The following RAI14 variants were observed in gnomAD, a reference collection of about 807,000 sequenced individuals.
The protein encoded by RAI14 is retinoic acid induced 14, also known as ankycorbin.
In RAI14, 45 loss-of-function variants were observed where a neutral mutation model predicts 115.4. The ratio of observed to expected loss-of-function variants is 0.39; its 90% CI spans 0.31 to 0.50. The LOEUF is 0.50. Among genes scored for constraint, RAI14 ranks in the 20% least tolerant of loss-of-function variants. RAI14 has a pLI of 0.85. For missense variants in RAI14, 939 were observed against 1,131.2 expected, an observed-to-expected ratio of 0.83 and a Z score of 2.44; for synonymous variants, 371 against 415.4, an observed-to-expected ratio of 0.89 and a Z score of 1.30.
intron 16 of RAI14, among the ~76,000 whole-genome samples, chr5:34,826,980 A>C (rs1365845315): frequency 6.6e-6 from 1 of 152,202 alleles, no homozygotes; most frequent in African/African-American, 2.4e-5. Context: ...TTAAAACAAC[A>C]TGAGTGTATT....
chr5:34,780,610 A>G (rs915394244), intron 3 of RAI14, among the ~76,000 whole-genome samples: 40 of 152,352 alleles, frequency 2.6e-4, no homozygotes, highest in African/African-American at 9.4e-4. Flanking sequence ...CGGCCAACAG[A>G]CACATGAAAA....
intron 4 of RAI14, among the ~76,000 whole-genome samples, chr5:34,801,898 C>G (rs1754319462): frequency 6.6e-6 from 1 of 151,996 alleles, no homozygotes; most frequent in African/African-American, 2.4e-5. Flanking sequence ...TAGCAAGACC[C>G]CCAGCTCTAC....
chr5:34,759,359 G>T (rs1055185881), intron 3 of RAI14, among the ~76,000 whole-genome samples: 7 of 152,162 alleles, frequency 4.6e-5, no homozygotes, highest in African/African-American at 1.7e-4. Context: ...TCACAGACCG[G>T]ACTGGTACTG....
intron 1 of RAI14, chr5:34,658,983 C>G (rs899977614): frequency 1.3e-5 from 2 of 152,058 alleles, no homozygotes; most frequent in Non-Finnish European, 2.9e-5. Context: ...TACTCCTTTG[C>G]CTCCATCCTC....
At chr5:34,775,291 G>A (rs1201026698) in intron 3 of RAI14, among the ~76,000 whole-genome samples, 1 of 152,140 alleles carries the variant, frequency 6.6e-6, no homozygotes. Context: ...AAAAGCTTCT[G>A]CACAGCAAAA....
chr5:34,714,133 C>T (rs1579996222), intron 2 of RAI14, among the ~76,000 whole-genome samples: 1 of 152,188 alleles, frequency 6.6e-6, no homozygotes, highest in African/African-American at 2.4e-5. Context: ...GTAATAGGTA[C>T]AGTTCTACTG....
intron 2 of RAI14, among the ~76,000 whole-genome samples, chr5:34,752,561 G>A (rs1422645262): frequency 6.6e-6 from 1 of 152,000 alleles, no homozygotes; most frequent in African/African-American, 2.4e-5. Flanking sequence ...GGAAAGGGTG[G>A]AGAGGGCCCG....
chr5:34,804,736 G>A (rs1754662518), intron 5 of RAI14, among the ~76,000 whole-genome samples: 1 of 152,180 alleles, frequency 6.6e-6, no homozygotes, highest in African/African-American at 2.4e-5. Flanking sequence ...TGTCTGTGAT[G>A]TTGTATTATG....
intron 1 of RAI14, among the ~76,000 whole-genome samples, chr5:34,659,507 A>G (rs1240084804): frequency 6.6e-6 from 1 of 152,142 alleles, no homozygotes; most frequent in Admixed American, 6.5e-5. Flanking sequence ...GCCTCAAGTG[A>G]GCCTTCTACC....
intron 2 of RAI14, among the ~76,000 whole-genome samples, chr5:34,696,631 A>G (rs1161232218): frequency 6.6e-6 from 1 of 152,250 alleles, no homozygotes; most frequent in Admixed American, 6.5e-5. Flanking sequence ...AGCCACAGGC[A>G]GTTTCCACAG....
At position 34,665,174 on chromosome 5, in the gene RAI14, C is replaced by CATATAT. The variant is rs1426275543; in HGVS notation, c.-49+8700_-49+8701insTATATA. Reference sequence around the variant, plus strand: ...ATATGTGTGTGTATATATATATATACACACATATATATATGTATATATATA... The same window carrying CATATAT: ...ATATGTGTGTGTATATATATATATACATATATACACATATATATATGTATATATATA... On this transcript the variant is annotated intron_variant, in intron 1 of 17. Coordinates refer to ENST00000265109, the MANE Select transcript of RAI14 (RefSeq NM_015577.3). Among the ~76,000 whole-genome samples the CATATAT allele has an allele frequency of 4.6e-3, 14 of 3,064 alleles. 4 individuals are homozygous for CATATAT. Among genetic ancestry groups the CATATAT allele is most frequent in the African/African-American group, 8.7e-3 (10 of 1,146 alleles). The allele number at this position is 3,064 out of a possible 152,430, so 2.0% of individuals were successfully genotyped here.
At chr5:34,774,652 G>A (rs571937480) in intron 3 of RAI14, among the ~76,000 whole-genome samples, 7 of 151,914 alleles carry the variant, frequency 4.6e-5, no homozygotes, top group Non-Finnish European at 8.8e-5. Context: ...TAACAATATT[G>A]ATTCTTCCAA....
chr5:34,779,436 C>T (rs943208421), intron 3 of RAI14, among the ~76,000 whole-genome samples: 2 of 152,106 alleles, frequency 1.3e-5, no homozygotes, highest in Non-Finnish European at 2.9e-5. Flanking sequence ...TCAAATTGTC[C>T]CTGTTTGCAG....
intron 2 of RAI14, among the ~76,000 whole-genome samples, chr5:34,747,942 T>C (rs981863737): frequency 3.3e-5 from 5 of 152,172 alleles, no homozygotes; most frequent in African/African-American, 1.2e-4. Flanking sequence ...TTGGAAATAC[T>C]ATTTAATTAC....
At chr5:34,751,750 C>T (rs538948768) in intron 2 of RAI14, among the ~76,000 whole-genome samples, 1 of 152,234 alleles carries the variant, frequency 6.6e-6, no homozygotes, top group Non-Finnish European at 1.5e-5. Context: ...TAATGCATGT[C>T]TTATACACAG....
At chr5:34,672,700 C>T (rs1185482747) in intron 1 of RAI14, among the ~76,000 whole-genome samples, 2 of 152,070 alleles carry the variant, frequency 1.3e-5, no homozygotes. Context: ...GTATCTCTTC[C>T]AGGTGTCTTG....
At chr5:34,704,257 C>T (rs1740414564) in intron 2 of RAI14, among the ~76,000 whole-genome samples, 1 of 152,174 alleles carries the variant, frequency 6.6e-6, no homozygotes, top group Non-Finnish European at 1.5e-5. Context: ...CCATGGCAAG[C>T]AAATAATTTA....
chr5:34,734,474 A>G (rs919362018), intron 2 of RAI14, among the ~76,000 whole-genome samples: 5 of 152,268 alleles, frequency 3.3e-5, no homozygotes, highest in Non-Finnish European at 5.9e-5. Context: ...TGCTGGTGCA[A>G]TAGAAGACAT....
intron 1 of RAI14, among the ~76,000 whole-genome samples, chr5:34,662,265 A>G (rs935761389): frequency 6.6e-6 from 1 of 152,200 alleles, no homozygotes; most frequent in Non-Finnish European, 1.5e-5. Context: ...TGGAGCAACT[A>G]ATATGTAGAA....
Sources: allele counts gnomAD v4.1 joint callset (sites outside exome capture counted in the v4.1 genomes callset), GRCh38; gene constraint gnomAD v4.1.1; transcripts MANE v1.5; gene names NCBI Gene and HGNC (gene_info 2026-07-23, HGNC 2026-07-21).